The following ARHGAP25 variants were observed in gnomAD, a reference collection of about 807,000 sequenced individuals.
ARHGAP25 encodes the protein rho GTPase-activating protein 25.
ARHGAP25 carries 34 observed loss-of-function variants against 71.0 expected under a neutral mutation model. That is an observed-to-expected ratio of 0.48 (90% CI 0.36 to 0.64). The LOEUF (loss-of-function observed/expected upper bound fraction) is 0.64. ARHGAP25 is among the 30% of genes least tolerant of loss of function. The pLI is 0.00. For synonymous variants in ARHGAP25, 282 were observed against 296.5 expected (o/e 0.95, Z 0.50); for missense variants, 706 against 805.1 (o/e 0.88, Z 1.49).
chr2:68,818,116 G>T, intron 8 of ARHGAP25, 122 bp downstream of exon 8: 7 of 1,330,292 alleles, frequency 5.3e-6, no homozygotes, highest in Non-Finnish European at 7.4e-6. Context: ...AATCTCATCT[G>T]AATCATGCAA....
chr2:68,751,868 C>G (rs1025944349), intron 1 of ARHGAP25, among the ~76,000 whole-genome samples: 1 of 152,250 alleles, frequency 6.6e-6, no homozygotes, highest in African/African-American at 2.4e-5. Flanking sequence ...TGGCCAGCCA[C>G]AGGCCTGCTT....
intron 2 of ARHGAP25, among the ~76,000 whole-genome samples, chr2:68,721,940 C>G (rs1674772879): frequency 6.6e-6 from 1 of 152,250 alleles, no homozygotes; most frequent in Non-Finnish European, 1.5e-5. Context: ...GCTGATCAAA[C>G]TGGGTGTGTC....
chr2:68,741,198 A>G (rs1223914751), intron 1 of ARHGAP25, among the ~76,000 whole-genome samples: 1 of 152,184 alleles, frequency 6.6e-6, no homozygotes. Flanking sequence ...TTAATGTTAT[A>G]TCTTCAGTTT....
At position 68,822,350 on chromosome 2, in the gene ARHGAP25, C is replaced by A. The variant is rs760801423; in HGVS notation, c.1211C>A (p.Ser404Tyr). 5.0e-6 allele frequency: 8 copies of A among 1,612,976 alleles called. No individual in the cohort carries two copies. In the East Asian group the frequency reaches 1.8e-4, roughly 36 times the overall value. Residue 404 changes from serine (S) to tyrosine (Y), a missense_variant, in exon 10 of 11, where the codon TCT becomes TAT. Physicochemically the swap from Ser to Tyr is moderately radical, Grantham distance 144. Coordinates refer to ENST00000409202, the MANE Select transcript of ARHGAP25 (RefSeq NM_001007231.3). ...CCATTTCTTTTCTAGACAAGCGACT[C>A]TGATACAACCAGCCCCACCGGACAG... ...TDSFSSMTSDSDTTSPTGQQP... is the reference protein window; with the variant it reads ...TDSFSSMTSDYDTTSPTGQQP...
chr2:68,710,987 C>T (rs1445798949), intron 2 of ARHGAP25, among the ~76,000 whole-genome samples: 1 of 152,188 alleles, frequency 6.6e-6, no homozygotes, highest in Non-Finnish European at 1.5e-5. Context: ...ACTTCCACTT[C>T]CTCCCTGGTT....
intron 7 of ARHGAP25, among the ~76,000 whole-genome samples, chr2:68,817,401 G>A (rs1399723324): frequency 6.6e-6 from 1 of 152,158 alleles, no homozygotes; most frequent in Non-Finnish European, 1.5e-5. Flanking sequence ...CTGAGAATTA[G>A]CAATGCTTGT....
At chr2:68,815,156 C>T (rs1353269840) in intron 6 of ARHGAP25, among the ~76,000 whole-genome samples, 1 of 152,196 alleles carries the variant, frequency 6.6e-6, no homozygotes, top group East Asian at 1.9e-4. Flanking sequence ...AGAGTTTCCA[C>T]ATCTGTGGCA....
At chr2:68,759,631 G>A (rs1305258654) in intron 1 of ARHGAP25, among the ~76,000 whole-genome samples, 1 of 135,998 alleles carries the variant, frequency 7.4e-6, no homozygotes, top group Non-Finnish European at 1.7e-5. Context: ...AAGACCTGAT[G>A]TCCTCACCAG....
intron 7 of ARHGAP25, 100 bp from the exon 8 acceptor site, chr2:68,817,773 G>A: frequency 7.0e-7 from 1 of 1,428,354 alleles, no homozygotes; most frequent in Non-Finnish European, 9.7e-7. Flanking sequence ...AGTCTGGGAG[G>A]AAAGCATTGG....
chr2:68,762,133 A>G lies in ARHGAP25; in HGVS notation c.62-13088A>G, dbSNP rs1676860775. On this transcript the variant is annotated intron_variant, in intron 1 of 10. Transcript: ENST00000409202. ...TGCTAAGTGAAATAAGCTGCTTCAA[A>G]AAAGACAAATGCTGTATAATTCCAC... is the stretch of plus-strand genomic sequence containing the variant. 2.0e-5 allele frequency among the ~76,000 whole-genome samples: 3 copies of G among 152,236 alleles called. No homozygotes were observed. In the South Asian group the frequency reaches 6.2e-4, roughly 32 times the overall value.
intron 1 of ARHGAP25, among the ~76,000 whole-genome samples, chr2:68,763,272 A>G (rs1235752046): frequency 6.6e-6 from 1 of 152,232 alleles, no homozygotes; most frequent in Admixed American, 6.5e-5. Context: ...TCTCAATTAT[A>G]TGACACAGTA....
At chr2:68,723,556 A>G (rs1181503849) in intron 2 of ARHGAP25, among the ~76,000 whole-genome samples, 1 of 152,162 alleles carries the variant, frequency 6.6e-6, no homozygotes, top group Non-Finnish European at 1.5e-5. Context: ...GGGCTTCTTC[A>G]TTCCAAATGC....
At chr2:68,822,026 C>T (rs12713667) in intron 9 of ARHGAP25, among the ~76,000 whole-genome samples, 46,057 of 148,274 alleles carry the variant, frequency 0.31, 7,231 homozygotes, top group East Asian at 0.45. Context: ...CAAACTTTTA[C>T]GGCTTCTGGG....
At chr2:68,761,939 CA>C (rs2104344672) in intron 1 of ARHGAP25, among the ~76,000 whole-genome samples, 1 of 152,250 alleles carries the variant, frequency 6.6e-6, no homozygotes, top group East Asian at 1.9e-4. Context: ...ACATCACGTT[CA>C]TAGCAGCATC....
chr2:68,786,767 C>A (rs1183887586), intron 3 of ARHGAP25, among the ~76,000 whole-genome samples: 1 of 152,112 alleles, frequency 6.6e-6, no homozygotes, highest in African/African-American at 2.4e-5. Flanking sequence ...CTTTTCCTGC[C>A]CTGCAGGGAA....
At chr2:68,744,893 C>T (rs1362877460) in intron 1 of ARHGAP25, among the ~76,000 whole-genome samples, 1 of 152,170 alleles carries the variant, frequency 6.6e-6, no homozygotes, top group Non-Finnish European at 1.5e-5. Context: ...TCTTCTGTGG[C>T]CTGAAATGCC....
intron 1 of ARHGAP25, among the ~76,000 whole-genome samples, chr2:68,750,874 G>A (rs551971603): frequency 2.0e-5 from 3 of 152,214 alleles, no homozygotes; most frequent in Non-Finnish European, 4.4e-5. Context: ...TGAAACCAAA[G>A]GTGAAAGCTT....
At chr2:68,766,231 A>G (rs1467615154) in intron 1 of ARHGAP25, among the ~76,000 whole-genome samples, 2 of 152,244 alleles carry the variant, frequency 1.3e-5, no homozygotes, top group East Asian at 3.8e-4. Flanking sequence ...ATTATCCTGC[A>G]GTCCTACCTG....
Position 68,775,398 on chromosome 2 carries a change from A to T in ARHGAP25, c.239A>T (p.Asp80Val). 6.2e-7 allele frequency: 1 copy of T among 1,614,260 alleles called. No homozygotes were observed. Among genetic ancestry groups the T allele is most frequent in the Non-Finnish European group, 8.5e-7 (1 of 1,180,048 alleles). ...LRAQQLYYYK[D>V]EEDTKPQGCM... ...GCGCAGCAGCTCTACTACTACAAGG[A>T]TGAAGAGGACACGAAGCCCCAGGTA... The change falls in exon 2 of 11, where the codon GAT becomes GTT. Residue 80 changes from aspartate (D) to valine (V), a missense_variant. Coordinates refer to ENST00000409202, the MANE Select transcript of ARHGAP25 (RefSeq NM_001007231.3).
Sources: allele counts gnomAD v4.1 joint callset (sites outside exome capture counted in the v4.1 genomes callset), GRCh38; gene constraint gnomAD v4.1.1; transcripts MANE v1.5; gene names NCBI Gene and HGNC (gene_info 2026-07-23, HGNC 2026-07-21).